Variants in DIS3L2 observed in about 807,000 individuals in gnomAD.
DIS3L2 encodes DIS3-like exonuclease 2.
A neutral mutation model predicts 97.5 loss-of-function variants in DIS3L2; 34 were observed. That is an observed-to-expected ratio of 0.35 (90% confidence interval 0.27 to 0.46). The LOEUF is 0.46. Among genes scored for constraint, DIS3L2 ranks in the 20% least tolerant of loss-of-function variants. DIS3L2 has a pLI of 1.00. For missense variants in DIS3L2, 1,038 were observed against 1,146.0 expected (o/e 0.91, Z 1.36); for synonymous variants, 435 against 445.2 (o/e 0.98, Z 0.29).
Position 232,037,694 on chromosome 2 carries a change from G to A in DIS3L2, c.366+7614G>A, listed in dbSNP as rs1270320446. 6.6e-6 allele frequency among the ~76,000 whole-genome samples: 1 copy of A among 152,220 alleles called. No homozygotes were observed. Among genetic ancestry groups the A allele is most frequent in the Non-Finnish European group, 1.5e-5 (1 of 68,034 alleles). On this transcript the variant is annotated intron_variant, in intron 5 of 20. Transcript: ENST00000325385. This position sits in a 1 kb window ranked among gnomAD's most constrained non-coding sequence, Gnocchi z 4.6. ...CACCCGAGGGAATCTCCTGGTCTGA[G>A]GGTTGTGAAGACTGTGGGAAAAGCA...
chr2:232,159,828 A>G (rs1273272704), intron 8 of DIS3L2, among the ~76,000 whole-genome samples: 1 of 152,216 alleles, frequency 6.6e-6, no homozygotes, highest in Non-Finnish European at 1.5e-5. Flanking sequence ...TCTTAAGTGA[A>G]TGTTGAAATT....
At chr2:232,298,564 T>C (rs1318577835) in intron 13 of DIS3L2, among the ~76,000 whole-genome samples, 7 of 152,118 alleles carry the variant, frequency 4.6e-5, no homozygotes, top group Non-Finnish European at 7.3e-5. Context: ...TGCTTTTGTG[T>C]TTTCATCTGG....
At chr2:232,248,448 A>G (rs551595457) in intron 11 of DIS3L2, among the ~76,000 whole-genome samples, 2 of 84,646 alleles carry the variant, frequency 2.4e-5, no homozygotes, top group South Asian at 1.2e-3. Flanking sequence ...GAGTTTTTGA[A>G]GTAATTTCAG....
chr2:232,312,500 G>A (rs954688758), intron 14 of DIS3L2, among the ~76,000 whole-genome samples: 10 of 152,138 alleles, frequency 6.6e-5, no homozygotes, highest in Non-Finnish European at 2.9e-5. Flanking sequence ...CTTCATGTTT[G>A]TATAAAAATC....
At chr2:232,181,309 G>A (rs1023521761) in intron 9 of DIS3L2, among the ~76,000 whole-genome samples, 1 of 152,048 alleles carries the variant, frequency 6.6e-6, no homozygotes, top group Admixed American at 6.6e-5. Context: ...CTCTTCTCGA[G>A]GAGTATCTTT....
intron 9 of DIS3L2, among the ~76,000 whole-genome samples, chr2:232,186,577 G>C (rs1407189431): frequency 2.0e-5 from 3 of 152,120 alleles, no homozygotes; most frequent in African/African-American, 7.2e-5. Context: ...ACCCAAACCA[G>C]ACAGAGATCA....
At position 232,329,649 on chromosome 2, in the gene DIS3L2, A is replaced by G. The variant is rs528714274; in HGVS notation, c.1740-164A>G. 5.9e-6 allele frequency: 4 copies of G among 682,472 alleles called. No individual in the cohort carries two copies. In the South Asian group the frequency reaches 7.4e-5, roughly 13 times the overall value. 42.3% of individuals were successfully genotyped at this position (682,472 alleles called of 1,614,324 possible). ...GGAGACCATGGGGGTGCTGGGCAAG[A>G]CAGGGACTTGGCGGAACACATGAGA... On this transcript the variant is annotated intron_variant, in intron 14 of 20. Transcript: ENST00000325385.
chr2:232,287,652 A>G (rs1029053001), intron 13 of DIS3L2, among the ~76,000 whole-genome samples: 1 of 151,810 alleles, frequency 6.6e-6, no homozygotes, highest in African/African-American at 2.4e-5. Flanking sequence ...CTCAGCTCCC[A>G]AAGTGCTGTG....
At position 231,997,693 on chromosome 2, in the gene DIS3L2, G is replaced by A. The variant is rs375534811; in HGVS notation, c.-93-17142G>A. The stretch of plus-strand genomic sequence containing the variant: ...ATAATTTCAGACCGATAAAAGAGAC[G>A]AGAGAATGGTACAAATAATTACTTT... On this transcript the variant is annotated intron_variant, in intron 1 of 20. Coordinates refer to ENST00000325385, the MANE Select transcript of DIS3L2 (RefSeq NM_152383.5). Among the ~76,000 whole-genome samples, 7 of 152,280 alleles carry A rather than the reference G, an allele frequency of 4.6e-5. No homozygotes were observed. The South Asian group carries it at 1.0e-3, about 23-fold the overall frequency.
intron 16 of DIS3L2, among the ~76,000 whole-genome samples, chr2:232,331,273 C>T (rs1278792184): frequency 6.6e-6 from 1 of 152,230 alleles, no homozygotes; most frequent in East Asian, 1.9e-4. Flanking sequence ...TCTGGGATGC[C>T]TGTCACAGCG....
chr2:232,332,807 C>T (rs534134842), intron 16 of DIS3L2, among the ~76,000 whole-genome samples: 27 of 152,288 alleles, frequency 1.8e-4, no homozygotes, highest in Non-Finnish European at 3.5e-4. Context: ...CAGAGGTGCC[C>T]GGGTGAAGCG....
At chr2:232,226,624 G>C (rs1692656486) in intron 10 of DIS3L2, among the ~76,000 whole-genome samples, 1 of 152,176 alleles carries the variant, frequency 6.6e-6, no homozygotes, top group African/African-American at 2.4e-5. Context: ...GTGTCATGAG[G>C]ACAGGACATC....
intron 9 of DIS3L2, among the ~76,000 whole-genome samples, chr2:232,189,560 C>G (rs1691553754): frequency 6.6e-6 from 1 of 152,116 alleles, no homozygotes; most frequent in South Asian, 2.1e-4. Context: ...AGAACAGATT[C>G]GTAGTTGCCA....
chr2:232,330,940 C>T (rs1344405864), intron 16 of DIS3L2, among the ~76,000 whole-genome samples, 164 bp downstream of exon 16: 5 of 152,168 alleles, frequency 3.3e-5, no homozygotes, highest in Non-Finnish European at 5.9e-5. Context: ...GAGAGGAGGC[C>T]GACCCCAGGC....
At chr2:232,134,480 A>G (rs191981754) in intron 7 of DIS3L2, among the ~76,000 whole-genome samples, 19 of 152,196 alleles carry the variant, frequency 1.2e-4, no homozygotes, top group Admixed American at 1.2e-3. Context: ...TGGAAGGACC[A>G]GAAGATAAGG....
chr2:232,272,091 A>G (rs1009023852), intron 13 of DIS3L2, among the ~76,000 whole-genome samples: 5 of 152,242 alleles, frequency 3.3e-5, no homozygotes, highest in African/African-American at 1.2e-4. Flanking sequence ...TCATTATTAT[A>G]ACCCTGAACT....
In DIS3L2 at chr2:232,276,850, G is replaced by A. The variant is rs11678914; in HGVS notation, c.1659+13410G>A. ...ATATTAGGTTAGATGAGATGTACCC[G>A]TAAAACACTTGGAACAGTGCCTGAC... On this transcript the variant is annotated intron_variant, in intron 13 of 20. Transcript: ENST00000325385. The surrounding 1 kb of genome is among the most constrained non-coding windows in gnomAD (Gnocchi z 4.4). 0.012 allele frequency among the ~76,000 whole-genome samples: 1,805 copies of A among 152,284 alleles called. 17 individuals are homozygous for A. Among genetic ancestry groups the A allele is most frequent in the Non-Finnish European group, 0.017 (1,184 of 68,020 alleles).
At chr2:232,238,733 T>C in intron 11 of DIS3L2, 88 bp downstream of exon 11, 1 of 1,231,038 alleles carries the variant, frequency 8.1e-7, no homozygotes, top group Non-Finnish European at 1.1e-6. Flanking sequence ...TATTACATGT[T>C]CTCCGGAAAG....
intron 13 of DIS3L2, among the ~76,000 whole-genome samples, chr2:232,279,502 GTGTGTT>G (rs1694226819): frequency 9.4e-6 from 1 of 106,750 alleles, no homozygotes; most frequent in Admixed American, 1.0e-4. Flanking sequence ...GAATTGGTGT[GTGTGTT>G]TGTTTGTTTG....
Sources: gnomAD v4.1 joint callset for allele counts (sites outside exome capture counted in the v4.1 genomes callset) on GRCh38, gnomAD v4.1.1 for gene constraint, Gnocchi (gnomAD v3.1) non-coding constraint, MANE v1.5 for transcripts, NCBI Gene and HGNC (gene_info 2026-07-23, HGNC 2026-07-21) for gene names.